The following NDUFAF7 variants were observed in gnomAD, a reference collection of about 807,000 sequenced individuals.
The protein encoded by NDUFAF7 is NADH:ubiquinone oxidoreductase complex assembly factor 7.
A neutral mutation model predicts 47.2 loss-of-function variants in NDUFAF7; 48 were observed. That is an observed-to-expected ratio of 1.02 (90% CI 0.81 to 1.29). The LOEUF is 1.29. NDUFAF7 is among the 50% of genes most tolerant of loss of function. NDUFAF7 has a pLI of 0.00. For missense variants in NDUFAF7, 635 were observed against 537.6 expected (o/e 1.18, Z -1.79); for synonymous variants, 217 against 190.0 (o/e 1.14, Z -1.17).
downstream of NDUFAF7, chr2:37,256,636 T>A (rs763169426): frequency 0.04 from 34,951 of 865,356 alleles, 245 homozygotes; most frequent in South Asian, 0.095. Context: ...AAATTTTTTT[T>A]TTTTTTTTTT....
downstream of NDUFAF7, chr2:37,256,569 G>C: frequency 3.7e-6 from 5 of 1,369,360 alleles, no homozygotes; most frequent in South Asian, 1.6e-5. Flanking sequence ...AAGATAAGTT[G>C]CAAGAGACAG....
At chr2:37,254,142 G>A, downstream of NDUFAF7, 2 of 1,241,890 alleles carry the variant, frequency 1.6e-6, no homozygotes, top group East Asian at 2.3e-5. Context: ...TCATTAGGTG[G>A]GACAAATCAG....
chr2:37,263,006 C>T, the NDUFAF7 span, among the ~76,000 whole-genome samples: 3 of 151,862 alleles, frequency 2.0e-5, no homozygotes, highest in African/African-American at 7.3e-5. Context: ...CACAGCAAAC[C>T]AGCTTTTGGC....
chr2:37,269,692 T>A, the NDUFAF7 span: 1 of 1,592,802 alleles, frequency 6.3e-7, no homozygotes, highest in Admixed American at 1.7e-5. Context: ...GATATCCTGG[T>A]AGGATAAAGT....
chr2:37,249,842 T>C (rs973538320), downstream of NDUFAF7, among the ~76,000 whole-genome samples: 2 of 152,030 alleles, frequency 1.3e-5, no homozygotes, highest in Admixed American at 6.6e-5. Flanking sequence ...AAGAATACTT[T>C]CCCTTGATGT....
chr2:37,267,188 T>G, the NDUFAF7 span, among the ~76,000 whole-genome samples: 1 of 152,144 alleles, frequency 6.6e-6, no homozygotes, highest in African/African-American at 2.4e-5. Context: ...TGGCAAAGTA[T>G]CCTAAGTATT....
At chr2:37,245,622 C>T (rs1666820683) in intron 7 of NDUFAF7, among the ~76,000 whole-genome samples, 1 of 152,164 alleles carries the variant, frequency 6.6e-6, no homozygotes, top group Admixed American at 6.5e-5. Context: ...TGGATTTATA[C>T]CATTTGTTCT....
intron 4 of NDUFAF7, among the ~76,000 whole-genome samples, chr2:37,241,071 C>T (rs1014607646): frequency 4.0e-5 from 6 of 151,864 alleles, no homozygotes; most frequent in African/African-American, 1.5e-4. Context: ...TCCTTTTTCC[C>T]TTGCATGTTT....
chr2:37,255,005 T>G (rs941949795), downstream of NDUFAF7, among the ~76,000 whole-genome samples: 1 of 152,188 alleles, frequency 6.6e-6, no homozygotes, highest in East Asian at 1.9e-4. Context: ...ATTTGAAATA[T>G]TGGTAACAAA....
chr2:37,254,134 A>C (rs1667746597), downstream of NDUFAF7: 3 of 1,150,070 alleles, frequency 2.6e-6, no homozygotes, highest in South Asian at 3.7e-5. Flanking sequence ...GAGTGGTCTC[A>C]TTAGGTGGGA....
intron 3 of NDUFAF7, among the ~76,000 whole-genome samples, chr2:37,237,020 G>A (rs573315107): frequency 1.1e-4 from 17 of 152,184 alleles, no homozygotes; most frequent in African/African-American, 3.9e-4. Context: ...GCCCAGGCTG[G>A]AGTGTAGTGG....
At chr2:37,253,410 T>G, downstream of NDUFAF7, 2 of 1,460,230 alleles carry the variant, frequency 1.4e-6, no homozygotes, top group Non-Finnish European at 1.8e-6. Flanking sequence ...TCAACCTGGT[T>G]TTTGTTTTGT....
intron 2 of NDUFAF7, among the ~76,000 whole-genome samples, chr2:37,232,617 G>C (rs778790571): frequency 1.3e-5 from 2 of 152,182 alleles, no homozygotes. Flanking sequence ...GAGAGTTCAG[G>C]CTGGTATATG....
At chr2:37,249,953 C>T (rs1667345825), downstream of NDUFAF7, among the ~76,000 whole-genome samples, 1 of 151,646 alleles carries the variant, frequency 6.6e-6, no homozygotes, top group Non-Finnish European at 1.5e-5. Flanking sequence ...TCTGTCCACA[C>T]TACATGGCCA....
chr2:37,244,109 A>G, intron 7 of NDUFAF7, 136 bp downstream of exon 7: 1 of 748,288 alleles, frequency 1.3e-6, no homozygotes, highest in South Asian at 1.6e-5. Flanking sequence ...CTTTTTATTG[A>G]CAGTGAAAGT....
chr2:37,266,905 A>C, the NDUFAF7 span, among the ~76,000 whole-genome samples: 1 of 152,252 alleles, frequency 6.6e-6, no homozygotes, highest in African/African-American at 2.4e-5. Flanking sequence ...GGATCAAGCT[A>C]AATTTTAATC....
At chr2:37,256,765 G>A (rs1338264389), downstream of NDUFAF7, 6 of 1,612,304 alleles carry the variant, frequency 3.7e-6, no homozygotes, top group African/African-American at 6.7e-5. Flanking sequence ...ATGTGCCACT[G>A]AGGCTCACAT....
the NDUFAF7 span, chr2:37,269,502 T>A: frequency 4.3e-5 from 36 of 838,594 alleles, no homozygotes; most frequent in South Asian, 8.8e-5. Context: ...AGTCAGCCTT[T>A]AAAAAAAAGG....
Position 37,243,903 on chromosome 2 carries a change from A to G in NDUFAF7, c.722A>G (p.Asp241Gly). 1.2e-6 allele frequency: 2 copies of G among 1,614,084 alleles called. No homozygotes were observed. The highest frequency in any genetic ancestry group is 2.2e-5 in the South Asian group (2 of 91,086). ...TGGCGAGAAGTATTTGTTGACATTG[A>G]TCCACAGGTTTCTGATAAACTGAGG... is the stretch of plus-strand genomic sequence containing the variant. ...QGWREVFVDIDPQVSDKLRFV... is the reference protein window; with the variant it reads ...QGWREVFVDIGPQVSDKLRFV... The change falls in exon 7 of 10, where the codon GAT becomes GGT. Residue 241 changes from aspartate (D) to glycine (G), a missense_variant. Transcript: ENST00000002125.
Sources: allele counts gnomAD v4.1 joint callset (sites outside exome capture counted in the v4.1 genomes callset), GRCh38; gene constraint gnomAD v4.1.1; transcripts MANE v1.5; gene names NCBI Gene and HGNC (gene_info 2026-07-23, HGNC 2026-07-21).